The following ZNF672 variants were observed in gnomAD, a reference collection of about 807,000 sequenced individuals.
ZNF672 encodes zinc finger protein 672, also known as hypothetical protein FLJ22301.
For missense variants in ZNF672, 733 were observed against 701.1 expected (o/e 1.05, Z -0.51); for synonymous variants, 358 against 305.6 (o/e 1.17, Z -1.79).
In ZNF672 at chr1:248,847,651, G is replaced by C. The variant is rs768892223; in HGVS notation, c.377G>C (p.Arg126Pro). 6 of 1,502,020 alleles carry C rather than the reference G, an allele frequency of 4.0e-6. No homozygotes were observed. In the East Asian group the frequency reaches 1.5e-4, roughly 38 times the overall value. 93.0% of individuals were successfully genotyped at this position (1,502,020 alleles called of 1,614,324 possible). A position where few individuals can be genotyped will look rare whatever the true frequency, so the allele number is the denominator to read the frequency against. Reference sequence around the variant, plus strand: ...CGGCGCCGCCAGCATCTGCCAGAGCGGCCCCGCCGCTGCCCGCTGTGCGCC... The same window carrying C: ...CGGCGCCGCCAGCATCTGCCAGAGCCGCCCCGCCGCTGCCCGCTGTGCGCC... ...LHRRRQHLPE[R>P]PRRCPLCART... The change falls in exon 4 of 4, where the codon CGG (arginine) becomes CCG (proline). Residue 126 changes from arginine to proline, a missense_variant. Coordinates refer to ENST00000306562, the MANE Select transcript of ZNF672 (RefSeq NM_024836.3).
At position 248,838,457 on chromosome 1, in the gene ZNF672, TC is replaced by T. The variant is rs1664610299; in HGVS notation, c.-568del. 1 of 151,932 alleles carries T rather than the reference TC, an allele frequency of 6.6e-6. No individual in the cohort carries two copies. The highest frequency in any genetic ancestry group is 6.5e-5 in the Admixed American group (1 of 15,274). The allele number at this position is 151,932 out of a possible 1,614,324, so 9.4% of individuals were successfully genotyped here. On this transcript the variant is annotated 5_prime_UTR_variant, in exon 1 of 4. Transcript: ENST00000306562. ...GCCGCGCGCGCCGTTAGCCCCTTCC[TC>T]GCTCCCCCGCCCCAGTCCCGCAGTC...
rs536494683 is a variant in ZNF672 at position 248,847,076 on chromosome 1, C to T, written c.-199C>T. The T allele has an allele frequency of 5.8e-6, 4 of 689,062 alleles. No homozygotes were observed. In the African/African-American group the frequency reaches 7.2e-5, roughly 12 times the overall value. 42.7% of individuals were successfully genotyped at this position (689,062 alleles called of 1,614,324 possible). On this transcript the variant is annotated 5_prime_UTR_variant, in exon 4 of 4. Transcript: ENST00000306562. ...GGCTCACGGTGCAGGGTGAACCTGG[C>T]CACAGCTCACCCTGGAACAGCCACA...
Position 248,847,647 on chromosome 1 carries a change from G to A in ZNF672, c.373G>A (p.Glu125Lys), listed in dbSNP as rs780555003. ...ACACCGGCGCCGCCAGCATCTGCCA[G>A]AGCGGCCCCGCCGCTGCCCGCTGTG... The part of the protein sequence containing the change: ...LLHRRRQHLP[E>K]RPRRCPLCAR... The change falls in exon 4 of 4, where the codon GAG (glutamate) becomes AAG (lysine). Residue 125 changes from glutamate to lysine, a missense_variant. Physicochemically the swap from Glu to Lys is moderately conservative, Grantham distance 56. Transcript: ENST00000306562. 2.0e-5 allele frequency: 30 copies of A among 1,506,924 alleles called. 1 individual carries two copies. Among genetic ancestry groups the A allele is most frequent in the South Asian group, 1.6e-4 (13 of 81,158 alleles). The allele number at this position is 1,506,924 out of a possible 1,614,324, so 93.3% of individuals were successfully genotyped here.
chr1:248,841,427 C>T (rs1664678471), intron 1 of ZNF672, among the ~76,000 whole-genome samples: 1 of 152,090 alleles, frequency 6.6e-6, no homozygotes, highest in South Asian at 2.1e-4. Context: ...CTCTCCTTGT[C>T]TACATCCTGT....
In ZNF672 at chr1:248,848,766, T is replaced by C. The variant is rs1659268693; in HGVS notation, c.*133T>C. On this transcript the variant is annotated 3_prime_UTR_variant, in exon 4 of 4. Transcript: ENST00000306562. ...TGTGGCCTCCTACCTTTCCAGTTTC[T>C]GTTGGCAGCCCTTCACGTAGCCTCC... 4 of 1,335,340 alleles carry C rather than the reference T, an allele frequency of 3.0e-6. No homozygotes were observed. The highest frequency in any genetic ancestry group is 2.4e-5 in the Admixed American group (1 of 41,002). The allele number at this position is 1,335,340 out of a possible 1,614,324, so 82.7% of individuals were successfully genotyped here. A position where few individuals can be genotyped will look rare whatever the true frequency, so the allele number is the denominator to read the frequency against.
chr1:248,845,851 C>G (rs904793331), intron 3 of ZNF672, among the ~76,000 whole-genome samples, 189 bp downstream of exon 3: 2 of 152,206 alleles, frequency 1.3e-5, no homozygotes, highest in African/African-American at 4.8e-5. Flanking sequence ...GTACTAGCAA[C>G]TAGACCTAAT....
At position 248,848,344 on chromosome 1, in the gene ZNF672, A is replaced by C; in HGVS notation, c.1070A>C (p.His357Pro). The C allele has an allele frequency of 6.2e-7, 1 of 1,601,594 alleles. No individual in the cohort carries two copies. Among genetic ancestry groups the C allele is most frequent in the Non-Finnish European group, 8.5e-7 (1 of 1,179,758 alleles). Residue 357 changes from histidine to proline, a missense_variant, in exon 4 of 4, where the codon CAT becomes CCT. Physicochemically the swap from His to Pro is moderately conservative, Grantham distance 77. Transcript: ENST00000306562. ...RFTCVSNLNV[H>P]RRNHAGHKPH... The stretch of plus-strand genomic sequence containing the variant: ...ACGTGCGTGTCCAATCTCAACGTGC[A>C]TCGGCGCAACCATGCCGGCCACAAG...
At chr1:248,839,318 C>A (rs1315767832) in intron 1 of ZNF672, 1 of 152,262 alleles carries the variant, frequency 6.6e-6, no homozygotes, top group Non-Finnish European at 1.5e-5. Context: ...GAGTTAAGCC[C>A]CTTACTCAGA....
At chr1:248,840,910 T>C (rs1228570543) in intron 1 of ZNF672, among the ~76,000 whole-genome samples, 1 of 151,938 alleles carries the variant, frequency 6.6e-6, no homozygotes, top group African/African-American at 2.4e-5. Flanking sequence ...GAGGATATGA[T>C]GACTGTAGTC....
chr1:248,842,137 C>T (rs943834216), intron 1 of ZNF672, among the ~76,000 whole-genome samples: 1 of 152,072 alleles, frequency 6.6e-6, no homozygotes, highest in Non-Finnish European at 1.5e-5. Context: ...GTTCCCCATC[C>T]GCACCTCCTA....
At chr1:248,841,004 C>T (rs1414667494) in intron 1 of ZNF672, among the ~76,000 whole-genome samples, 8 of 125,852 alleles carry the variant, frequency 6.4e-5, no homozygotes, top group African/African-American at 1.9e-4. Flanking sequence ...TGGGCAGTGC[C>T]GTTCAGGGTA....
In ZNF672 at chr1:248,849,167, G is replaced by T. The variant is rs934069118; in HGVS notation, c.*534G>T. 7.8e-5 allele frequency: 35 copies of T among 449,808 alleles called. 1 individual carries two copies. Among genetic ancestry groups the T allele is most frequent in the Non-Finnish European group, 1.4e-5 (3 of 216,498 alleles). The allele number at this position is 449,808 out of a possible 1,614,324, so 27.9% of individuals were successfully genotyped here. A position where few individuals can be genotyped will look rare whatever the true frequency, so the allele number is the denominator to read the frequency against. ...CTGAGAAATGTGGGTATGGAGGTGG[G>T]TGGGAAAGCTCACTTCCATGAAGGA... On this transcript the variant is annotated 3_prime_UTR_variant, in exon 4 of 4. Transcript: ENST00000306562.
intron 1 of ZNF672, among the ~76,000 whole-genome samples, chr1:248,839,732 A>ATTTTTTT (rs774234469): frequency 3.5e-5 from 4 of 113,902 alleles, no homozygotes; most frequent in Non-Finnish European, 3.4e-5. Flanking sequence ...AGTGTTAGCA[A>ATTTTTTT]TTTTTTTTTT....
In ZNF672 at chr1:248,848,888, G is replaced by A. The variant is rs111969815; in HGVS notation, c.*255G>A. The A allele has an allele frequency of 2.5e-4, 175 of 707,420 alleles. 1 individual carries two copies. Among genetic ancestry groups the A allele is most frequent in the African/African-American group, 1.8e-3 (101 of 57,158 alleles). 43.8% of individuals were successfully genotyped at this position (707,420 alleles called of 1,614,324 possible). On this transcript the variant is annotated 3_prime_UTR_variant, in exon 4 of 4. Coordinates refer to ENST00000306562, the MANE Select transcript of ZNF672 (RefSeq NM_024836.3). ...CTCAGGTGTAGGTGCAGGGAGTCAG[G>A]GAACCCTTAGACTCCCCTGTGTGCA...
rs749453562 is a variant in ZNF672 at position 248,847,954 on chromosome 1, TC to T, written c.681del (p.Phe227LeufsTer228). The T allele has an allele frequency of 1.9e-6, 3 of 1,569,270 alleles. No individual in the cohort carries two copies. In the Admixed American group the frequency reaches 5.4e-5, roughly 28 times the overall value. ...CAGACGCACTCGGGGGAGAAACCCT[TC>T]AAGTGCCCGGAGTGCGGCAAGGGCT... ...HLQTHSGEKP[F>X]KCPECGKGFL... On this transcript the variant is annotated frameshift_variant, in exon 4 of 4. Transcript: ENST00000306562. LOFTEE classifies it low-confidence loss of function (END_TRUNC).
At position 248,848,224 on chromosome 1, in the gene ZNF672, G is replaced by A; in HGVS notation, c.950G>A (p.Gly317Asp). Residue 317 changes from glycine (G) to aspartate (D), a missense_variant, in exon 4 of 4, where the codon GGC becomes GAC. Physicochemically the swap from Gly to Asp is moderately conservative, Grantham distance 94. Coordinates refer to ENST00000306562, the MANE Select transcript of ZNF672 (RefSeq NM_024836.3). Reference sequence around the variant, plus strand: ...AAGCCCTTCGCGTGCCCCGAGTGCGGCCGCCGCTTCAGCGACCGCTCGGAC... The same window carrying A: ...AAGCCCTTCGCGTGCCCCGAGTGCGACCGCCGCTTCAGCGACCGCTCGGAC... ...GEKPFACPECGRRFSDRSDLT... is the reference protein window; with the variant it reads ...GEKPFACPECDRRFSDRSDLT... The A allele has an allele frequency of 1.9e-6, 3 of 1,600,398 alleles. No individual in the cohort carries two copies. The highest frequency in any genetic ancestry group is 2.5e-6 in the Non-Finnish European group (3 of 1,177,204).
Position 248,848,626 on chromosome 1 carries a change from T to C in ZNF672, c.1352T>C (p.Val451Ala). 6.4e-7 allele frequency: 1 copy of C among 1,570,736 alleles called. No individual in the cohort carries two copies. The highest frequency in any genetic ancestry group is 8.6e-7 in the Non-Finnish European group (1 of 1,156,712). ...GAACAGGAAAAGCCAGGGTTCTCTG[T>C]GTCCTAGTTGAGGGAGGCTTGCTGA... ...PAEQEKPGFS[V>A]S The change falls in exon 4 of 4, where the codon GTG (valine) becomes GCG (alanine). Residue 451 changes from valine to alanine, a missense_variant. Physicochemically the swap from Val to Ala is moderately conservative, Grantham distance 64. Transcript: ENST00000306562.
Position 248,838,330 on chromosome 1 carries a change from C to G in ZNF672, c.-696C>G, listed in dbSNP as rs1186273680. 6.6e-6 allele frequency: 1 copy of G among 152,306 alleles called. No individual in the cohort carries two copies. Among genetic ancestry groups the G allele is most frequent in the East Asian group, 1.9e-4 (1 of 5,196 alleles). The allele number at this position is 152,306 out of a possible 1,614,324, so 9.4% of individuals were successfully genotyped here. ...CAGCAACCGGTGACACTGCCCGCGCCAGACTGACCACTAGCCGACGCGGGC... is the reference window on the plus strand; with the variant it reads ...CAGCAACCGGTGACACTGCCCGCGCGAGACTGACCACTAGCCGACGCGGGC... On this transcript the variant is annotated 5_prime_UTR_variant, in exon 1 of 4. Coordinates refer to ENST00000306562, the MANE Select transcript of ZNF672 (RefSeq NM_024836.3).
chr1:248,847,656 C>T lies in ZNF672; in HGVS notation c.382C>T (p.Arg128Cys). Residue 128 changes from arginine (R) to cysteine (C), a missense_variant, in exon 4 of 4, where the codon CGC (arginine) becomes TGC (cysteine). Arg to Cys is a radical substitution (Grantham distance 180, BLOSUM62 -3). Coordinates refer to ENST00000306562, the MANE Select transcript of ZNF672 (RefSeq NM_024836.3). ...RRRQHLPERP[R>C]RCPLCARTFR... ...CCGCCAGCATCTGCCAGAGCGGCCC[C>T]GCCGCTGCCCGCTGTGCGCCCGCAC... is the stretch of plus-strand genomic sequence containing the variant. The T allele has an allele frequency of 6.7e-7, 1 of 1,496,952 alleles. No homozygotes were observed. Among genetic ancestry groups the T allele is most frequent in the Non-Finnish European group, 8.9e-7 (1 of 1,127,758 alleles). The allele number at this position is 1,496,952 out of a possible 1,614,324, so 92.7% of individuals were successfully genotyped here. A position where few individuals can be genotyped will look rare whatever the true frequency, so the allele number is the denominator to read the frequency against.
Sources: allele counts gnomAD v4.1 joint callset (sites outside exome capture counted in the v4.1 genomes callset), GRCh38; gene constraint gnomAD v4.1.1; transcripts MANE v1.5; gene names NCBI Gene and HGNC (gene_info 2026-07-23, HGNC 2026-07-21).